KLHL7: variants seen among roughly 807,000 people sequenced by gnomAD.
KLHL7 encodes kelch-like protein 7.
In KLHL7, 44 loss-of-function variants were observed where a neutral mutation model predicts 67.4. That is an observed-to-expected ratio of 0.65 (90% confidence interval 0.51 to 0.84). The LOEUF is 0.84. Among genes scored for constraint, KLHL7 ranks in the 40% least tolerant of loss-of-function variants. KLHL7 has a pLI of 0.00. For synonymous variants in KLHL7, 252 were observed against 243.3 expected, an observed-to-expected ratio of 1.04 and a Z score of -0.33; for missense variants, 362 against 718.1, an observed-to-expected ratio of 0.50 and a Z score of 5.67.
chr7:23,157,362 T>G (rs1026439795), intron 7 of KLHL7, among the ~76,000 whole-genome samples: 1 of 152,212 alleles, frequency 6.6e-6, no homozygotes, highest in African/African-American at 2.4e-5. Context: ...GCAGCTGACA[T>G]TGCTGAGATG....
At chr7:23,127,672 G>A (rs1037766869) in intron 4 of KLHL7, among the ~76,000 whole-genome samples, 1 of 151,952 alleles carries the variant, frequency 6.6e-6, no homozygotes, top group Admixed American at 6.6e-5. Flanking sequence ...CCCAGTACCA[G>A]CCTGGCCAAC....
chr7:23,106,243 C>T, intron 1 of KLHL7, 97 bp downstream of exon 1: 1 of 1,551,352 alleles, frequency 6.4e-7, no homozygotes, highest in Non-Finnish European at 8.7e-7. Context: ...GTGGATCGCG[C>T]CCCTCTTTCT....
rs764592326 is a variant in KLHL7 at position 23,175,381 on chromosome 7, A to C, written c.*1083A>C. 73 of 451,754 alleles carry C rather than the reference A, an allele frequency of 1.6e-4. 1 individual carries two copies. Among genetic ancestry groups the C allele is most frequent in the Non-Finnish European group, 2.9e-4 (65 of 226,302 alleles). The allele number at this position is 451,754 out of a possible 1,614,324, so 28.0% of individuals were successfully genotyped here. ...GAAACATGTAAAGCTGTCACAATCA[A>C]TGTTTTTATCTGATAATATTAAATA... On this transcript the variant is annotated 3_prime_UTR_variant, in exon 11 of 11. Transcript: ENST00000339077.
intron 3 of KLHL7, 73 bp downstream of exon 3, chr7:23,124,854 A>G (rs1413963305): frequency 1.7e-6 from 2 of 1,166,586 alleles, no homozygotes; most frequent in African/African-American, 1.5e-5. Flanking sequence ...GTCGTAACAA[A>G]TAGTTGCACT....
At chr7:23,151,194 G>T (rs1784525323) in intron 6 of KLHL7, among the ~76,000 whole-genome samples, 1 of 145,082 alleles carries the variant, frequency 6.9e-6, no homozygotes, top group African/African-American at 2.5e-5. Context: ...TAAGCTTTTA[G>T]TGCATTTATG....
At chr7:23,146,667 T>TTCTTCTTCTTCTTC (rs61573730) in intron 6 of KLHL7, among the ~76,000 whole-genome samples, 2,771 of 71,538 alleles carry the variant, frequency 0.039, 87 homozygotes, top group African/African-American at 0.12. Context: ...CTTCTTCTTC[T>TTCTTCTTCTTCTTC]TTTTTTTTTA....
chr7:23,128,509 A>T (rs1400470594), intron 4 of KLHL7, among the ~76,000 whole-genome samples: 3 of 151,768 alleles, frequency 2.0e-5, no homozygotes, highest in Non-Finnish European at 4.4e-5. Context: ...ATGAACTAAG[A>T]TATTCCTCCC....
rs1236313544 is a variant in KLHL7 at position 23,129,452 on chromosome 7, C to T, written c.442+4280C>T. 6 of 365,232 alleles carry T rather than the reference C, an allele frequency of 1.6e-5. No homozygotes were observed. In the Admixed American group the frequency reaches 1.9e-4, roughly 12 times the overall value. 22.6% of individuals were successfully genotyped at this position (365,232 alleles called of 1,614,324 possible). A position where few individuals can be genotyped will look rare whatever the true frequency, so the allele number is the denominator to read the frequency against. On this transcript the variant is annotated intron_variant, in intron 4 of 10. Transcript: ENST00000339077. ...CCTAATATAGCTGGTTTTCCAAGGA[C>T]ACTGCCATAGGCAGAAGCCCTAGAT... is the stretch of plus-strand genomic sequence containing the variant.
At chr7:23,116,533 A>G (rs1783096165) in intron 1 of KLHL7, among the ~76,000 whole-genome samples, 1 of 152,188 alleles carries the variant, frequency 6.6e-6, no homozygotes. Context: ...TCCTTTCTAC[A>G]TCAGGTAGCT....
intron 5 of KLHL7, among the ~76,000 whole-genome samples, chr7:23,141,900 G>A (rs1490576043): frequency 1.3e-5 from 2 of 151,296 alleles, no homozygotes; most frequent in African/African-American, 4.9e-5. Context: ...TGGGATTACA[G>A]GCGTGAGCCA....
chr7:23,129,427 C>G, intron 4 of KLHL7: 1 of 382,702 alleles, frequency 2.6e-6, no homozygotes. Context: ...AAAAATCTCA[C>G]CTAATATAGC....
Position 23,177,350 on chromosome 7 carries a change from T to C in KLHL7, c.*3052T>C, listed in dbSNP as rs886886283. On this transcript the variant is annotated 3_prime_UTR_variant, in exon 11 of 11. Transcript: ENST00000339077. ...TATACAGTACCTGTCTAAGATATTT[T>C]AAGTACACCAGCATTTCCTTTTAGG... 1 of 152,244 alleles carries C rather than the reference T, an allele frequency of 6.6e-6. No homozygotes were observed. Among genetic ancestry groups the C allele is most frequent in the Non-Finnish European group, 1.5e-5 (1 of 68,028 alleles). 9.4% of individuals were successfully genotyped at this position (152,244 alleles called of 1,614,324 possible).
Position 23,173,997 on chromosome 7 carries a change from T to C in KLHL7, c.1478-18T>C, listed in dbSNP as rs1350960415. On this transcript the variant is annotated intron_variant, in intron 10 of 10. Coordinates refer to ENST00000339077, the MANE Select transcript of KLHL7 (RefSeq NM_001031710.3). ...TTGATATAGTTTTTCATGTTGTTCA[T>C]GTTTTATTCTTTTGAAGGTGGTCTG... 6 of 1,611,562 alleles carry C rather than the reference T, an allele frequency of 3.7e-6. No individual in the cohort carries two copies. The highest frequency in any genetic ancestry group is 2.2e-5 in the South Asian group (2 of 91,032).
intron 4 of KLHL7, among the ~76,000 whole-genome samples, chr7:23,127,787 T>C (rs1171947086): frequency 6.6e-6 from 1 of 151,622 alleles, no homozygotes; most frequent in East Asian, 1.9e-4. Context: ...GGCGGGAAAA[T>C]CGTTTGAACC....
At position 23,177,669 on chromosome 7, in the gene KLHL7, T is replaced by C. The variant is rs139660490; in HGVS notation, c.*3371T>C. On this transcript the variant is annotated 3_prime_UTR_variant, in exon 11 of 11. Coordinates refer to ENST00000339077, the MANE Select transcript of KLHL7 (RefSeq NM_001031710.3). ...TAATGTTATATCCTTTGCAATGATA[T>C]TATTTTGATGACAAAGTAAGTTTAT... 9.2e-5 allele frequency: 14 copies of C among 152,330 alleles called. No individual in the cohort carries two copies. The highest frequency in any genetic ancestry group is 3.1e-4 in the African/African-American group (13 of 41,570). 9.4% of individuals were successfully genotyped at this position (152,330 alleles called of 1,614,324 possible). A position where few individuals can be genotyped will look rare whatever the true frequency, so the allele number is the denominator to read the frequency against.
chr7:23,160,141 TA>T (rs1583721063), intron 7 of KLHL7, among the ~76,000 whole-genome samples: 1 of 152,234 alleles, frequency 6.6e-6, no homozygotes, highest in African/African-American at 2.4e-5. Flanking sequence ...ATGAGTATAC[TA>T]TTGCTTTCTG....
chr7:23,144,784 A>T (rs560261829), intron 6 of KLHL7, among the ~76,000 whole-genome samples: 3 of 152,144 alleles, frequency 2.0e-5, no homozygotes, highest in Non-Finnish European at 4.4e-5. Context: ...GACAAATCTC[A>T]TATGTTTATT....
intron 9 of KLHL7, among the ~76,000 whole-genome samples, chr7:23,171,680 T>C (rs1373574664): frequency 6.6e-6 from 1 of 152,254 alleles, no homozygotes; most frequent in African/African-American, 2.4e-5. Flanking sequence ...CATTGTGCCT[T>C]AATTATGTTT....
rs2128470886 is a variant in KLHL7, at chr7:23,175,905, G to C, written c.*1607G>C. On this transcript the variant is annotated 3_prime_UTR_variant, in exon 11 of 11. Coordinates refer to ENST00000339077, the MANE Select transcript of KLHL7 (RefSeq NM_001031710.3). ...GAACCTGACAGGCAGAGGTTGCAGT[G>C]AGCTGAGATCAAGCCACTGCACCCC... The C allele has an allele frequency of 7.2e-6, 1 of 138,048 alleles. No individual in the cohort carries two copies. Among genetic ancestry groups the C allele is most frequent in the Admixed American group, 7.9e-5 (1 of 12,706 alleles). The allele number at this position is 138,048 out of a possible 1,614,324, so 8.6% of individuals were successfully genotyped here.
Sources: gnomAD v4.1 joint callset for allele counts (sites outside exome capture counted in the v4.1 genomes callset) on GRCh38, gnomAD v4.1.1 for gene constraint, MANE v1.5 for transcripts, NCBI Gene and HGNC (gene_info 2026-07-23, HGNC 2026-07-21) for gene names.